The following STK38 variants were observed in gnomAD, a reference collection of about 807,000 sequenced individuals.
The protein encoded by STK38 is serine/threonine kinase 38.
STK38 carries 26 observed loss-of-function variants against 59.0 expected under a neutral mutation model. The observed-to-expected ratio is 0.44, with a 90% CI of 0.32 to 0.61. STK38 has a LOEUF of 0.61. Among genes scored for constraint, STK38 ranks in the 20% least tolerant of loss-of-function variants. STK38 has a pLI of 0.04. For synonymous variants in STK38, 175 were observed against 176.6 expected (o/e 0.99, Z 0.07); for missense variants, 433 against 566.0 (o/e 0.76, Z 2.38).
At chr6:36,516,100 A>G (rs1363978462) in intron 6 of STK38, among the ~76,000 whole-genome samples, 1 of 152,246 alleles carries the variant, frequency 6.6e-6, no homozygotes, top group Non-Finnish European at 1.5e-5. Context: ...CTCCTGGAAG[A>G]GTACAATGAA....
chr6:36,539,983 C>G, intron 2 of STK38, 89 bp downstream of exon 2: 1 of 1,562,512 alleles, frequency 6.4e-7, no homozygotes, highest in Non-Finnish European at 8.7e-7. Context: ...TGCTACTATT[C>G]TTGTCTCCTT....
intron 7 of STK38, among the ~76,000 whole-genome samples, chr6:36,509,104 T>C (rs1369845095): frequency 5.3e-5 from 8 of 152,192 alleles, no homozygotes; most frequent in Admixed American, 4.6e-4. Flanking sequence ...TCAGCCCTGT[T>C]TGTGTTACCG....
intron 4 of STK38, among the ~76,000 whole-genome samples, chr6:36,523,118 T>C (rs1777421789): frequency 6.6e-6 from 1 of 152,040 alleles, no homozygotes; most frequent in Non-Finnish European, 1.5e-5. Context: ...CCACAACCCT[T>C]CCTTGCCAAA....
At chr6:36,513,019 C>T (rs1198098574) in intron 7 of STK38, among the ~76,000 whole-genome samples, 1 of 151,544 alleles carries the variant, frequency 6.6e-6, no homozygotes, top group Non-Finnish European at 1.5e-5. Context: ...CATGTTTATG[C>T]ATTATTATTA....
intron 2 of STK38, among the ~76,000 whole-genome samples, chr6:36,527,577 T>C (rs1192875092): frequency 6.6e-6 from 1 of 151,378 alleles, no homozygotes; most frequent in Admixed American, 6.6e-5. Flanking sequence ...CCTTCAGACA[T>C]CAAACTTTTG....
intron 9 of STK38, among the ~76,000 whole-genome samples, chr6:36,505,581 T>A (rs1308109626): frequency 6.6e-6 from 1 of 152,218 alleles, no homozygotes; most frequent in East Asian, 1.9e-4. Context: ...TAGAGAACTG[T>A]AAATCAGTAT....
intron 7 of STK38, among the ~76,000 whole-genome samples, chr6:36,513,564 C>T (rs991419433): frequency 3.3e-5 from 5 of 150,176 alleles, no homozygotes; most frequent in Admixed American, 1.3e-4. Flanking sequence ...CCGCCTGCCT[C>T]GGCCTCCCAA....
intron 2 of STK38, among the ~76,000 whole-genome samples, chr6:36,538,252 C>A (rs1308032151): frequency 1.3e-5 from 2 of 149,388 alleles, no homozygotes; most frequent in African/African-American, 4.9e-5. Flanking sequence ...TACAGTGAGC[C>A]GAGATCACGC....
intron 1 of STK38, among the ~76,000 whole-genome samples, chr6:36,541,088 C>T (rs570436426): frequency 9.9e-5 from 15 of 151,838 alleles, no homozygotes; most frequent in South Asian, 2.1e-4. Flanking sequence ...TTAGTAGAGA[C>T]GGGATTTCAC....
At chr6:36,507,684 C>T (rs991288736) in intron 7 of STK38, 82 bp from the exon 8 acceptor site, 3 of 964,812 alleles carry the variant, frequency 3.1e-6, no homozygotes, top group African/African-American at 3.3e-5. Context: ...CTTCCAGCAT[C>T]CATTATAGCT....
chr6:36,526,532 A>G (rs540974097), intron 2 of STK38, among the ~76,000 whole-genome samples: 52 of 150,028 alleles, frequency 3.5e-4, no homozygotes, highest in African/African-American at 1.1e-3. Context: ...GGTGAGGCAG[A>G]TGGGTCACTT....
In STK38 at chr6:36,525,587, T is replaced by C; in HGVS notation, c.183+4A>G. 6.2e-7 allele frequency: 1 copy of C among 1,611,258 alleles called. No homozygotes were observed. The highest frequency in any genetic ancestry group is 1.1e-5 in the South Asian group (1 of 91,006). On this transcript the variant is annotated splice_donor_region_variant and intron_variant, in intron 3 of 13. Coordinates refer to ENST00000229812, the MANE Select transcript of STK38 (RefSeq NM_007271.4). The stretch of plus-strand genomic sequence containing the variant: ...TTAAGGAAAACATTGCCAATATTAA[T>C]TACCTCCTCATCTTTTAGGCCTTCT...
At chr6:36,507,678 C>T in intron 7 of STK38, 76 bp from the exon 8 acceptor site, 1 of 1,095,576 alleles carries the variant, frequency 9.1e-7, no homozygotes, top group Non-Finnish European at 1.4e-6. Flanking sequence ...CTGCTCCTTC[C>T]AGCATCCATT....
chr6:36,507,601 C>T lies in STK38; in HGVS notation c.671G>A (p.Gly224Asp). Reference protein sequence around the residue: ...KPDNLLLDSKGHVKLSDFGLC... With the variant: ...KPDNLLLDSKDHVKLSDFGLC... Reference sequence around the variant, plus strand: ...ACCAAAGTCAGAAAGTTTCACATGGCCCTATGGGGAAGAAACAAGGTGATA... The same window carrying T: ...ACCAAAGTCAGAAAGTTTCACATGGTCCTATGGGGAAGAAACAAGGTGATA... Residue 224 changes from glycine to aspartate, a missense_variant and splice_region_variant, in exon 8 of 14, where the codon GGC becomes GAC. By Grantham distance (94) the Gly-to-Asp change is moderately conservative. Coordinates refer to ENST00000229812, the MANE Select transcript of STK38 (RefSeq NM_007271.4). The T allele has an allele frequency of 6.2e-7, 1 of 1,613,044 alleles. No homozygotes were observed.
At chr6:36,532,786 C>T (rs1199596388) in intron 2 of STK38, among the ~76,000 whole-genome samples, 1 of 152,078 alleles carries the variant, frequency 6.6e-6, no homozygotes, top group Non-Finnish European at 1.5e-5. Flanking sequence ...GCAATCTCAG[C>T]TACATGGGAG....
chr6:36,539,670 C>T (rs572718206), intron 2 of STK38, among the ~76,000 whole-genome samples: 8 of 152,032 alleles, frequency 5.3e-5, no homozygotes, highest in Admixed American at 3.9e-4. Context: ...ACTCTAAACC[C>T]AAGTCTGACT....
At chr6:36,520,908 CT>C (rs906648487) in intron 5 of STK38, among the ~76,000 whole-genome samples, 1 of 152,160 alleles carries the variant, frequency 6.6e-6, no homozygotes, top group Non-Finnish European at 1.5e-5. Flanking sequence ...TCCATCCCCC[CT>C]CTTTGGCCCT....
At chr6:36,524,808 C>T (rs1777470967) in intron 3 of STK38, among the ~76,000 whole-genome samples, 1 of 152,164 alleles carries the variant, frequency 6.6e-6, no homozygotes, top group South Asian at 2.1e-4. Flanking sequence ...AAAATGTGTT[C>T]TTATCTTTCC....
chr6:36,541,980 CA>C (rs1777949426), intron 1 of STK38, among the ~76,000 whole-genome samples: 1 of 151,972 alleles, frequency 6.6e-6, no homozygotes, highest in African/African-American at 2.4e-5. Context: ...AGGCACCAGC[CA>C]CTGTGCCCAG....
Sources: gnomAD v4.1 joint callset for allele counts (sites outside exome capture counted in the v4.1 genomes callset) on GRCh38, gnomAD v4.1.1 for gene constraint, MANE v1.5 for transcripts, NCBI Gene and HGNC (gene_info 2026-07-23, HGNC 2026-07-21) for gene names.